Variants in CDC42BPA observed in about 807,000 individuals in gnomAD.
CDC42BPA encodes serine/threonine-protein kinase MRCK alpha.
A neutral mutation model predicts 223.5 loss-of-function variants in CDC42BPA; 80 were observed. That is an observed-to-expected ratio of 0.36 (90% confidence interval 0.30 to 0.43). The LOEUF (loss-of-function observed/expected upper bound fraction) is 0.43, where lower values mean the gene tolerates loss of function less well. CDC42BPA is among the 20% of genes least tolerant of loss of function. The pLI, the probability that CDC42BPA is intolerant of heterozygous loss-of-function variation, is 1.00. For synonymous variants in CDC42BPA, 694 were observed against 718.6 expected, an observed-to-expected ratio of 0.97 and a Z score of 0.55; for missense variants, 1,743 against 2,099.9, an observed-to-expected ratio of 0.83 and a Z score of 3.32.
rs1387231047 is a variant in CDC42BPA at position 227,028,991 on chromosome 1, A to T, written c.4098T>A (p.Phe1366Leu). The change falls in exon 30 of 37, where the codon TTT (phenylalanine) becomes TTA (leucine). Residue 1366 changes from phenylalanine to leucine, a missense_variant. Phe to Leu is a conservative substitution (Grantham distance 22). Around this residue, in one of 6 missense-constraint regions of CDC42BPA, gnomAD observed 678 missense variants for 777.5 expected, o/e 0.87. Transcript: ENST00000366766. ...ATTTTCTGTGACGGGTCTTGCTCTG[A>T]AATAGTTCATAACAGAGGACCTGCC... ...MKRQVLCYEL[F>L]QSKTRHRKFK... 1 of 1,614,072 alleles carries T rather than the reference A, an allele frequency of 6.2e-7. No individual in the cohort carries two copies. Among genetic ancestry groups the T allele is most frequent in the South Asian group, 1.1e-5 (1 of 91,084 alleles).
At position 227,069,628 on chromosome 1, in the gene CDC42BPA, T is replaced by C. The variant is rs928925091; in HGVS notation, c.2904+149A>G. On this transcript the variant is annotated intron_variant, in intron 21 of 36. Transcript: ENST00000366766. ...ATAGTCTCCATAAGAATGCAGAACA[T>C]ATTCCTCTGCTAATATGTTTTTGTT... The C allele has an allele frequency of 1.3e-5, 7 of 554,560 alleles. No homozygotes were observed. In the African/African-American group the frequency reaches 1.3e-4, roughly 11 times the overall value. The allele number at this position is 554,560 out of a possible 1,614,324, so 34.4% of individuals were successfully genotyped here.
intron 2 of CDC42BPA, among the ~76,000 whole-genome samples, chr1:227,223,566 T>C: frequency 6.6e-6 from 1 of 152,066 alleles, no homozygotes; most frequent in East Asian, 1.9e-4. Context: ...AGGAAGAAAC[T>C]GAAGAAATAC....
intron 1 of CDC42BPA, among the ~76,000 whole-genome samples, chr1:227,313,041 G>C (rs1045432469): frequency 2.6e-5 from 4 of 152,040 alleles, no homozygotes; most frequent in African/African-American, 9.7e-5. Context: ...TTATAGCAAT[G>C]CGAGAACAGA....
intron 1 of CDC42BPA, among the ~76,000 whole-genome samples, chr1:227,300,333 A>G (rs1235634386): frequency 1.3e-5 from 2 of 152,182 alleles, no homozygotes; most frequent in African/African-American, 2.4e-5. Flanking sequence ...TCAAAGGAAA[A>G]TAAGTCATTA....
intron 1 of CDC42BPA, among the ~76,000 whole-genome samples, chr1:227,259,646 C>G (rs774919274): frequency 6.6e-5 from 10 of 150,428 alleles, no homozygotes; most frequent in Middle Eastern, 3.2e-3. Flanking sequence ...ATTATTAACC[C>G]TCATTAATAT....
chr1:227,223,586 GACT>G (rs1014824213), intron 2 of CDC42BPA, among the ~76,000 whole-genome samples: 6 of 152,124 alleles, frequency 3.9e-5, no homozygotes, highest in African/African-American at 1.2e-4. Flanking sequence ...CTGAGTCAGT[GACT>G]GGTGAGATAT....
chr1:227,059,435 G>C (rs531939656), intron 21 of CDC42BPA: 2 of 1,551,790 alleles, frequency 1.3e-6, no homozygotes, highest in Middle Eastern at 1.7e-4. Flanking sequence ...AGGAGAATAG[G>C]ACATGTTACA....
chr1:227,022,613 C>T (rs1267252453), intron 32 of CDC42BPA, among the ~76,000 whole-genome samples: 2 of 152,132 alleles, frequency 1.3e-5, no homozygotes, highest in Non-Finnish European at 2.9e-5. Flanking sequence ...AAAAGTGAGA[C>T]TTTAACTGTT....
chr1:226,997,574 C>T (rs1474933306), intron 35 of CDC42BPA, among the ~76,000 whole-genome samples: 1 of 152,186 alleles, frequency 6.6e-6, no homozygotes, highest in East Asian at 1.9e-4. Context: ...CCCGCTTTCT[C>T]CTGTGGGCAT....
At chr1:227,310,987 G>A (rs187191965) in intron 1 of CDC42BPA, among the ~76,000 whole-genome samples, 5 of 151,864 alleles carry the variant, frequency 3.3e-5, no homozygotes, top group African/African-American at 4.8e-5. Context: ...CACCGCACCC[G>A]GCCAAGGAGT....
At chr1:227,257,003 C>T (rs2813962) in intron 1 of CDC42BPA, among the ~76,000 whole-genome samples, 45,561 of 148,552 alleles carry the variant, frequency 0.31, 7,162 homozygotes, top group East Asian at 0.37. Context: ...GTATGTTAAG[C>T]AGCTTTAAAA....
At position 227,307,945 on chromosome 1, in the gene CDC42BPA, G is replaced by A. The variant is rs1334412935; in HGVS notation, c.178+9060C>T. On this transcript the variant is annotated intron_variant, in intron 1 of 36. Transcript: ENST00000366766. ...TATTTGTTGTTGTTGGTGGATGAAT[G>A]AGCATTAACTTGATACTTACTGAAG... 2.6e-5 allele frequency among the ~76,000 whole-genome samples: 4 copies of A among 152,268 alleles called. No individual in the cohort carries two copies. In the East Asian group the frequency reaches 5.8e-4, roughly 22 times the overall value.
intron 2 of CDC42BPA, among the ~76,000 whole-genome samples, chr1:227,217,954 G>A (rs539474273): frequency 3.3e-5 from 5 of 152,124 alleles, no homozygotes; most frequent in Non-Finnish European, 1.5e-5. Flanking sequence ...TAAGTACTTT[G>A]TTCATTGTTT....
At chr1:227,080,740 C>T (rs1444149941) in intron 17 of CDC42BPA, among the ~76,000 whole-genome samples, 153 bp downstream of exon 17, 2 of 152,150 alleles carry the variant, frequency 1.3e-5, no homozygotes, top group Non-Finnish European at 2.9e-5. Flanking sequence ...TAGAACACAA[C>T]AGATCAGTAA....
At chr1:227,261,658 C>T (rs1684099476) in intron 1 of CDC42BPA, among the ~76,000 whole-genome samples, 1 of 152,028 alleles carries the variant, frequency 6.6e-6, no homozygotes, top group Admixed American at 6.6e-5. Flanking sequence ...ATAGATGCTG[C>T]AAAAGCAAAA....
intron 2 of CDC42BPA, among the ~76,000 whole-genome samples, chr1:227,219,777 A>G (rs1332508230): frequency 6.6e-6 from 1 of 152,156 alleles, no homozygotes; most frequent in Non-Finnish European, 1.5e-5. Context: ...GTTCATAAAC[A>G]CTACAGGGTA....
At chr1:227,081,687 C>T (rs1010794798) in intron 16 of CDC42BPA, among the ~76,000 whole-genome samples, 1 of 152,076 alleles carries the variant, frequency 6.6e-6, no homozygotes, top group Non-Finnish European at 1.5e-5. Context: ...CTCCTGACCT[C>T]AGATGATAAG....
chr1:227,137,886 G>C (rs1658912341), intron 10 of CDC42BPA, among the ~76,000 whole-genome samples: 1 of 152,036 alleles, frequency 6.6e-6, no homozygotes, highest in Non-Finnish European at 1.5e-5. Context: ...GGACATGTGA[G>C]GACTTTACCC....
chr1:227,113,162 A>G (rs1461649107), intron 12 of CDC42BPA, among the ~76,000 whole-genome samples: 1 of 152,238 alleles, frequency 6.6e-6, no homozygotes, highest in African/African-American at 2.4e-5. Flanking sequence ...GTTTCCACAA[A>G]TGAGGAAAAA....
Sources: allele counts gnomAD v4.1 joint callset (sites outside exome capture counted in the v4.1 genomes callset), GRCh38; gene constraint gnomAD v4.1.1; regional missense constraint gnomAD v4.1.1; transcripts MANE v1.5; gene names NCBI Gene and HGNC (gene_info 2026-07-23, HGNC 2026-07-21).